MALRD1: variants seen among roughly 807,000 people sequenced by gnomAD.
The protein encoded by MALRD1 is MAM and LDL-receptor class A domain-containing protein 1.
A neutral mutation model predicts 242.1 loss-of-function variants in MALRD1; 247 were observed. That is an observed-to-expected ratio of 1.02 (90% CI 0.92 to 1.13). The LOEUF (loss-of-function observed/expected upper bound fraction) is 1.13. MALRD1 is among the 50% of genes most tolerant of loss of function. MALRD1 has a pLI of 0.00. For synonymous variants in MALRD1, 995 were observed against 866.6 expected (o/e 1.15, Z -2.60); for missense variants, 2,989 against 2,533.1 (o/e 1.18, Z -3.86).
intron 36 of MALRD1, among the ~76,000 whole-genome samples, chr10:19,650,813 C>G (rs977302928): frequency 1.3e-5 from 2 of 152,184 alleles, no homozygotes; most frequent in Non-Finnish European, 2.9e-5. Context: ...TCAGGCTCTC[C>G]GAGCTGCCTC....
At chr10:19,383,671 G>A (rs1845932581) in intron 26 of MALRD1, among the ~76,000 whole-genome samples, 1 of 151,970 alleles carries the variant, frequency 6.6e-6, no homozygotes, top group South Asian at 2.1e-4. Context: ...CTGAAAGGTA[G>A]ACAAGTGTTA....
chr10:19,316,415 G>C (rs781546937), intron 21 of MALRD1, among the ~76,000 whole-genome samples: 1 of 151,804 alleles, frequency 6.6e-6, no homozygotes, highest in South Asian at 2.1e-4. Context: ...GTTGGCCAGA[G>C]CTGTTTCCAA....
rs186449419 is a variant in MALRD1 at position 19,505,138 on chromosome 10, A to G, written c.5320+6492A>G. On this transcript the variant is annotated intron_variant, in intron 31 of 39. Coordinates refer to ENST00000454679, the MANE Select transcript of MALRD1 (RefSeq NM_001142308.3). ...GAGAGGTAGAGTAGGAGGAAGAGGAAAAAGGCAAATGGGATCAGAAATCCT... is the reference window on the plus strand; with the variant it reads ...GAGAGGTAGAGTAGGAGGAAGAGGAGAAAGGCAAATGGGATCAGAAATCCT... Among the ~76,000 whole-genome samples the G allele has an allele frequency of 1.3e-4, 20 of 152,234 alleles. No individual in the cohort carries two copies. In the East Asian group the frequency reaches 3.7e-3, roughly 28 times the overall value.
chr10:19,449,711 G>A (rs1835214705), intron 28 of MALRD1, among the ~76,000 whole-genome samples: 1 of 152,102 alleles, frequency 6.6e-6, no homozygotes. Flanking sequence ...TTATAAAAGA[G>A]AAATGTAAAA....
At chr10:19,107,942 TG>T (rs1325127349) in intron 5 of MALRD1, among the ~76,000 whole-genome samples, 2 of 152,184 alleles carry the variant, frequency 1.3e-5, no homozygotes, top group Non-Finnish European at 2.9e-5. Context: ...CTTTGACTTT[TG>T]GTAATATGAT....
intron 19 of MALRD1, among the ~76,000 whole-genome samples, chr10:19,272,617 C>A (rs1564519353): frequency 6.6e-6 from 1 of 152,128 alleles, no homozygotes; most frequent in Non-Finnish European, 1.5e-5. Context: ...CTGCACCCAT[C>A]AACCTTTCAT....
At chr10:19,656,677 T>G (rs1447482631) in intron 36 of MALRD1, among the ~76,000 whole-genome samples, 1 of 152,156 alleles carries the variant, frequency 6.6e-6, no homozygotes, top group East Asian at 1.9e-4. Context: ...GATACAAATT[T>G]GGCATTCTGG....
chr10:19,131,374 A>G (rs1564411932), intron 8 of MALRD1, among the ~76,000 whole-genome samples: 1 of 152,120 alleles, frequency 6.6e-6, no homozygotes, highest in Non-Finnish European at 1.5e-5. Flanking sequence ...ACTCAGGTGA[A>G]GGCAAGTTGT....
intron 12 of MALRD1, among the ~76,000 whole-genome samples, chr10:19,157,334 G>T (rs572007136): frequency 1.3e-5 from 2 of 148,398 alleles, no homozygotes; most frequent in East Asian, 4.0e-4. Context: ...GTGCAGTGGC[G>T]CAATCTGGGC....
intron 28 of MALRD1, among the ~76,000 whole-genome samples, chr10:19,445,533 A>T (rs990012504): frequency 3.3e-5 from 5 of 152,228 alleles, no homozygotes; most frequent in African/African-American, 4.8e-5. Flanking sequence ...TCCTTCTAAC[A>T]GTCAGGACCC....
intron 33 of MALRD1, among the ~76,000 whole-genome samples, chr10:19,581,385 A>G (rs1269580124): frequency 8.6e-6 from 1 of 116,550 alleles, no homozygotes; most frequent in Non-Finnish European, 1.7e-5. Flanking sequence ...CCACCCCACA[A>G]CAGTCCCCAG....
chr10:19,387,622 T>G lies in MALRD1; in HGVS notation c.4536T>G (p.Thr1512=). ...TCGTAGATAACTGTGGAGATAATAC[T>G]GATGAAAATGAGTGTGGTAGCTCCT... is the stretch of plus-strand genomic sequence containing the variant. ...CNFVDNCGDN[T]DENECGSSCT... is the part of the protein sequence containing the mutation. Residue 1512 remains threonine, a synonymous_variant, in exon 27 of 40, where the codon ACT becomes ACG. Transcript: ENST00000454679. The G allele has an allele frequency of 1.3e-6, 2 of 1,550,446 alleles. No homozygotes were observed. The highest frequency in any genetic ancestry group is 2.4e-5 in the South Asian group (2 of 84,054).
Position 19,508,921 on chromosome 10 carries a change from A to G in MALRD1, c.5320+10275A>G, listed in dbSNP as rs577853711. Among the ~76,000 whole-genome samples, 325 of 152,306 alleles carry G rather than the reference A, an allele frequency of 2.1e-3. 1 individual carries two copies. The highest frequency in any genetic ancestry group is 6.8e-3 in the Middle Eastern group (2 of 294). ...AAAAGCCATCCCTGTATAACTTTGA[A>G]GATGAGTAGTCTTTTACTTATAAAT... On this transcript the variant is annotated intron_variant, in intron 31 of 39. Transcript: ENST00000454679.
intron 9 of MALRD1, among the ~76,000 whole-genome samples, chr10:19,136,107 A>T (rs1358490025): frequency 6.6e-6 from 1 of 152,116 alleles, no homozygotes; most frequent in Non-Finnish European, 1.5e-5. Context: ...ATGTATTCAA[A>T]TACTAATTTC....
Position 19,313,209 on chromosome 10 carries a change from TTTAATTTTAG to T in MALRD1, c.3420-10735_3420-10726del, listed in dbSNP as rs1203908958. 2.2e-4 allele frequency among the ~76,000 whole-genome samples: 33 copies of T among 151,664 alleles called. No individual in the cohort carries two copies. The South Asian group carries it at 6.8e-3, about 31-fold the overall frequency. ...CATGCAAATTACCACTGGCAGATTA[TTTAATTTTAG>T]TTAACTCATCTAGGAAATAGTCATG... On this transcript the variant is annotated intron_variant, in intron 21 of 39. Coordinates refer to ENST00000454679, the MANE Select transcript of MALRD1 (RefSeq NM_001142308.3).
chr10:19,349,676 C>G (rs1844287924), intron 25 of MALRD1, among the ~76,000 whole-genome samples: 1 of 152,128 alleles, frequency 6.6e-6, no homozygotes, highest in Admixed American at 6.5e-5. Flanking sequence ...CAGATTTTCT[C>G]TATGTTGGGT....
At chr10:19,061,762 C>T (rs1313479705) in intron 1 of MALRD1, among the ~76,000 whole-genome samples, 1 of 152,112 alleles carries the variant, frequency 6.6e-6, no homozygotes, top group Non-Finnish European at 1.5e-5. Flanking sequence ...GGACCCTTAC[C>T]TTATACCATA....
Position 19,088,399 on chromosome 10 carries a change from T to C in MALRD1, c.597+214T>C, listed in dbSNP as rs536424510. Among the ~76,000 whole-genome samples the C allele has an allele frequency of 2.0e-5, 3 of 152,072 alleles. No individual in the cohort carries two copies. The East Asian group carries it at 5.8e-4, about 29-fold the overall frequency. On this transcript the variant is annotated intron_variant, in intron 4 of 39. Transcript: ENST00000454679. The stretch of plus-strand genomic sequence containing the variant: ...TTACAATAAGGTTTTGAATTTTATG[T>C]ATTAAAACTAAAGTTGGTGTATTTT...
chr10:19,098,602 A>C (rs1836130828), intron 4 of MALRD1, among the ~76,000 whole-genome samples: 2 of 152,186 alleles, frequency 1.3e-5, no homozygotes, highest in Non-Finnish European at 2.9e-5. Flanking sequence ...AAATAAATGG[A>C]ATGTATACTA....
Sources: gnomAD v4.1 joint callset for allele counts (sites outside exome capture counted in the v4.1 genomes callset) on GRCh38, gnomAD v4.1.1 for gene constraint, MANE v1.5 for transcripts, NCBI Gene and HGNC (gene_info 2026-07-23, HGNC 2026-07-21) for gene names.